The following WNK1 variants were observed in gnomAD, a reference collection of about 807,000 sequenced individuals.
The protein encoded by WNK1 is serine/threonine-protein kinase WNK1.
In WNK1, 38 loss-of-function variants were observed where a neutral mutation model predicts 222.8. The ratio of observed to expected loss-of-function variants is 0.17; its 90% CI spans 0.13 to 0.22. The LOEUF (loss-of-function observed/expected upper bound fraction) is 0.22. Ranked by LOEUF, WNK1 falls within the 10% of genes least tolerant of loss-of-function variation. The pLI is 1.00. For synonymous variants in WNK1, 1,090 were observed against 1,092.9 expected, an observed-to-expected ratio of 1.00 and a Z score of 0.05; for missense variants, 2,348 against 2,918.4, an observed-to-expected ratio of 0.80 and a Z score of 4.50.
In WNK1 at chr12:896,171, T is replaced by C. The variant is rs770476272; in HGVS notation, c.5684T>C (p.Leu1895Pro). The C allele has an allele frequency of 3.7e-6, 6 of 1,614,086 alleles. No individual in the cohort carries two copies. The African/African-American group carries it at 6.7e-5, about 18-fold the overall frequency. Residue 1895 changes from leucine to proline, a missense_variant, in exon 24 of 28, where the codon CTA (leucine) becomes CCA (proline). By Grantham distance (98) the Leu-to-Pro change is moderately conservative. This residue lies in a region of WNK1 where 1,144 missense variants were observed against 1,273.6 expected (regional missense o/e 0.90). Transcript: ENST00000315939. ...TCCAGCACCTCAGAGTCCTCAGTGC[T>C]ATCAAGTAGTAGTCCAGAGAGTACC... ...FESSTSESSV[L>P]SSSSPESTLV...
chr12:836,156 T>C (rs11064562), intron 4 of WNK1, among the ~76,000 whole-genome samples: 19,286 of 152,076 alleles, frequency 0.13, 1,564 homozygotes, highest in Middle Eastern at 0.21. Context: ...AGGGAGGAAA[T>C]ATAAGCCAGT....
rs1055301502 is a variant in WNK1 at position 868,258 on chromosome 12, T to C, written c.2140-3007T>C. The C allele has an allele frequency of 1.3e-5, 21 of 1,601,364 alleles. No individual in the cohort carries two copies. Among genetic ancestry groups the C allele is most frequent in the Non-Finnish European group, 1.8e-5 (21 of 1,173,260 alleles). On this transcript the variant is annotated intron_variant, in intron 8 of 27. Coordinates refer to ENST00000315939, the MANE Select transcript of WNK1 (RefSeq NM_018979.4). ...TACTTCCAGAAGAAGCTCACTATTTTATTCCTCAGGAAGCAGTGTATGTAG... is the reference window on the plus strand; with the variant it reads ...TACTTCCAGAAGAAGCTCACTATTTCATTCCTCAGGAAGCAGTGTATGTAG...
chr12:829,216 A>T (rs1164267669), intron 3 of WNK1, among the ~76,000 whole-genome samples: 1 of 152,202 alleles, frequency 6.6e-6, no homozygotes, highest in African/African-American at 2.4e-5. Context: ...AGCATTACAA[A>T]ACCTAGTCTT....
At chr12:804,738 AC>A (rs1242489954) in intron 1 of WNK1, among the ~76,000 whole-genome samples, 2 of 151,782 alleles carry the variant, frequency 1.3e-5, no homozygotes, top group African/African-American at 2.4e-5. Flanking sequence ...GTCCCTGGCA[AC>A]CTTTTTTCTA....
chr12:882,341 G>A (rs912133911), intron 14 of WNK1, among the ~76,000 whole-genome samples: 1 of 152,120 alleles, frequency 6.6e-6, no homozygotes, highest in African/African-American at 2.4e-5. Flanking sequence ...TGGGACTACA[G>A]ACACGTGCCA....
chr12:757,309 CTTT>C (rs946901263), intron 1 of WNK1, among the ~76,000 whole-genome samples: 173 of 83,570 alleles, frequency 2.1e-3, no homozygotes, highest in African/African-American at 2.9e-3. Context: ...AGCATCAATT[CTTT>C]TTTTTTTTTT....
intron 26 of WNK1, among the ~76,000 whole-genome samples, chr12:902,032 G>A (rs112114844): frequency 4.8e-3 from 729 of 151,698 alleles, no homozygotes; most frequent in South Asian, 0.014. Context: ...ACACGGTGGC[G>A]TACACCTGTA....
At chr12:867,075 A>T (rs1565545747) in intron 8 of WNK1, among the ~76,000 whole-genome samples, 1 of 152,170 alleles carries the variant, frequency 6.6e-6, no homozygotes, top group Non-Finnish European at 1.5e-5. Flanking sequence ...GTAAGCCAAG[A>T]TTGTCACTGC....
chr12:788,846 C>G (rs1172644424), intron 1 of WNK1, among the ~76,000 whole-genome samples: 1 of 150,520 alleles, frequency 6.6e-6, no homozygotes, highest in Non-Finnish European at 1.5e-5. Context: ...GAGATCGTGC[C>G]ACTACACTCC....
At chr12:890,377 T>C in intron 21 of WNK1, 76 bp from the exon 22 acceptor site, 5 of 1,484,432 alleles carry the variant, frequency 3.4e-6, no homozygotes, top group Non-Finnish European at 4.7e-6. Flanking sequence ...ACAAAGACCA[T>C]AGGAAAGGCA....
At chr12:825,142 GA>G (rs1191286232) in intron 2 of WNK1, among the ~76,000 whole-genome samples, 2 of 152,256 alleles carry the variant, frequency 1.3e-5, no homozygotes, top group East Asian at 3.9e-4. Flanking sequence ...TCAAGATAGA[GA>G]ACATTTCCAT....
In WNK1 at chr12:870,427, A is replaced by G. The variant is rs1003995041; in HGVS notation, c.2140-838A>G. Among the ~76,000 whole-genome samples, 7 of 152,246 alleles carry G rather than the reference A, an allele frequency of 4.6e-5. No homozygotes were observed. The South Asian group carries it at 1.2e-3, about 27-fold the overall frequency. On this transcript the variant is annotated intron_variant, in intron 8 of 27. Transcript: ENST00000315939. ...TTAAGCTGCAGTGGAATGTGATATT[A>G]TATCCATGTAAGCTTTAAGGAACCC...
chr12:910,053 A>G lies in WNK1; in HGVS notation c.*1261A>G, dbSNP rs980197310. ...AAACAAACGTGATGCCTGGCCAGTG[A>G]CTGTCATATAAACCTTTCTTATTTG... On this transcript the variant is annotated 3_prime_UTR_variant, in exon 28 of 28. Coordinates refer to ENST00000315939, the MANE Select transcript of WNK1 (RefSeq NM_018979.4). 2 of 152,094 alleles carry G rather than the reference A, an allele frequency of 1.3e-5. No individual in the cohort carries two copies. The highest frequency in any genetic ancestry group is 1.5e-5 in the Non-Finnish European group (1 of 68,066). The allele number at this position is 152,094 out of a possible 1,614,324, so 9.4% of individuals were successfully genotyped here.
chr12:829,945 G>T, intron 3 of WNK1, 58 bp from the exon 4 acceptor site: 1 of 1,598,878 alleles, frequency 6.3e-7, no homozygotes, highest in Non-Finnish European at 8.6e-7. Flanking sequence ...TCTCACCCCG[G>T]TGAGTAACGT....
At chr12:795,391 G>A (rs1192917082) in intron 1 of WNK1, among the ~76,000 whole-genome samples, 1 of 149,276 alleles carries the variant, frequency 6.7e-6, no homozygotes, top group Non-Finnish European at 1.5e-5. Context: ...ATCTTCATGT[G>A]TCAGTGGCGG....
chr12:883,264 A>G, intron 15 of WNK1, 131 bp from the exon 16 acceptor site: 2 of 1,167,924 alleles, frequency 1.7e-6, no homozygotes, highest in Non-Finnish European at 2.5e-6. Context: ...AGTTCTTAAA[A>G]AGAGAAGAGC....
Position 813,545 on chromosome 12 carries a change from C to T in WNK1, c.760-97C>T, listed in dbSNP as rs1017305137. On this transcript the variant is annotated intron_variant, in intron 1 of 27. Transcript: ENST00000315939. ...AGCATTTGCATTTTTTAAACACCAT[C>T]GATCATGATTTAGTAATGTTTAAGT... 33 of 1,305,124 alleles carry T rather than the reference C, an allele frequency of 2.5e-5. No homozygotes were observed. The African/African-American group carries it at 3.2e-4, about 13-fold the overall frequency. 80.8% of individuals were successfully genotyped at this position (1,305,124 alleles called of 1,614,324 possible). A position where few individuals can be genotyped will look rare whatever the true frequency, so the allele number is the denominator to read the frequency against.
intron 26 of WNK1, among the ~76,000 whole-genome samples, chr12:902,831 T>C (rs1955382263): frequency 1.3e-5 from 2 of 152,262 alleles, no homozygotes; most frequent in African/African-American, 4.8e-5. Context: ...AGGTAGTCAA[T>C]AACTGTTCGT....
At chr12:768,254 A>G (rs1049236908) in intron 1 of WNK1, among the ~76,000 whole-genome samples, 6 of 151,296 alleles carry the variant, frequency 4.0e-5, no homozygotes, top group Non-Finnish European at 5.9e-5. Flanking sequence ...TCGTTCCTCA[A>G]CCTCCCAAGT....
Sources: allele counts gnomAD v4.1 joint callset (sites outside exome capture counted in the v4.1 genomes callset), GRCh38; gene constraint gnomAD v4.1.1; regional missense constraint gnomAD v4.1.1; transcripts MANE v1.5; gene names NCBI Gene and HGNC (gene_info 2026-07-23, HGNC 2026-07-21).